The following PVT1 variants were observed in gnomAD, a reference collection of about 807,000 sequenced individuals.
The protein encoded by PVT1 is Pvt1 oncogene, also known as CXCR4/PVT1 fusion.
Position 127,894,959 on chromosome 8 carries a change from C to T in PVT1, n.782+3961C>T, listed in dbSNP as rs144819467. 3.7e-3 allele frequency among the ~76,000 whole-genome samples: 564 copies of T among 152,258 alleles called. 9 individuals carry two copies. The highest frequency in any genetic ancestry group is 0.013 in the African/African-American group (544 of 41,534). ...AGCTAGATTGAAAACAATAAGGATC[C>T]CAGAACGATAGCACTTTACAATCCT... On this transcript the variant is annotated intron_variant and non_coding_transcript_variant, in intron 3 of 10. Transcript: ENST00000651587.
chr8:127,990,497 T>A (rs1344947678), intron 4 of PVT1, among the ~76,000 whole-genome samples: 1 of 152,174 alleles, frequency 6.6e-6, no homozygotes, highest in African/African-American at 2.4e-5. Flanking sequence ...CAATTTTTTT[T>A]AAGTAAGATG....
chr8:127,871,513 GC>G (rs1194899929), intron 2 of PVT1, among the ~76,000 whole-genome samples: 2 of 152,158 alleles, frequency 1.3e-5, no homozygotes, highest in African/African-American at 2.4e-5. Flanking sequence ...GTGTCCAGGG[GC>G]CCTCTGCTTG....
At chr8:127,954,620 G>A (rs1158130926) in intron 3 of PVT1, among the ~76,000 whole-genome samples, 1 of 152,198 alleles carries the variant, frequency 6.6e-6, no homozygotes, top group African/African-American at 2.4e-5. Flanking sequence ...ACCTGTGGGT[G>A]TGGTTCAGCG....
intron 3 of PVT1, among the ~76,000 whole-genome samples, chr8:127,919,149 G>A (rs1816026135): frequency 6.6e-6 from 1 of 152,212 alleles, no homozygotes; most frequent in Non-Finnish European, 1.5e-5. Flanking sequence ...CCAGGGAGCA[G>A]TGAAGCCCGG....
rs57575268 is a variant in PVT1, at chr8:127,826,014, C to CTTTTT, written n.372+29961_372+29965dup. ...TACAGGAGTGTGCCACCATGCCCAG[C>CTTTTT]TTTTTTTTTTTTTTTTTTTTTTGAT... On this transcript the variant is annotated intron_variant and non_coding_transcript_variant, in intron 2 of 10. Transcript: ENST00000651587. Among the ~76,000 whole-genome samples the CTTTTT allele has an allele frequency of 9.0e-4, 81 of 89,656 alleles. 1 individual carries two copies. The highest frequency in any genetic ancestry group is 1.3e-3 in the African/African-American group (28 of 21,626). 58.8% of individuals were successfully genotyped at this position (89,656 alleles called of 152,430 possible).
At chr8:127,916,477 G>C (rs893529758) in intron 3 of PVT1, among the ~76,000 whole-genome samples, 1 of 152,138 alleles carries the variant, frequency 6.6e-6, no homozygotes, top group Non-Finnish European at 1.5e-5. Context: ...TAGATTTCTT[G>C]TCTTTGTGTG....
chr8:127,997,044 G>GGTTTTTTTTT (rs1554603119), intron 4 of PVT1, among the ~76,000 whole-genome samples: 1 of 81,594 alleles, frequency 1.2e-5, no homozygotes. Context: ...ATTTGCTTTC[G>GGTTTTTTTTT]TTTTTTTTTT....
chr8:128,092,228 C>T (rs2130169408), intron 5 of PVT1, among the ~76,000 whole-genome samples: 1 of 152,290 alleles, frequency 6.6e-6, no homozygotes, highest in African/African-American at 2.4e-5. Flanking sequence ...TCTCCCCTTC[C>T]AGCACCTTCT....
intron 3 of PVT1, among the ~76,000 whole-genome samples, chr8:127,905,456 A>G (rs147002363): frequency 1.4e-4 from 22 of 152,352 alleles, no homozygotes; most frequent in African/African-American, 5.3e-4. Flanking sequence ...TGGTCTTAGC[A>G]TGCTGGCAAT....
At chr8:127,812,322 C>T (rs1056041379) in intron 2 of PVT1, among the ~76,000 whole-genome samples, 3 of 145,600 alleles carry the variant, frequency 2.1e-5, no homozygotes, top group African/African-American at 7.9e-5. Context: ...TAGCTCTTGC[C>T]TGTTGTAGTC....
intron 4 of PVT1, among the ~76,000 whole-genome samples, chr8:128,067,734 C>A (rs1260794919): frequency 1.3e-5 from 2 of 151,982 alleles, no homozygotes; most frequent in Non-Finnish European, 2.9e-5. Context: ...GCTGGAGCAA[C>A]CTGTGACCAG....
intron 4 of PVT1, among the ~76,000 whole-genome samples, chr8:128,022,390 G>T (rs112698884): frequency 1.4e-4 from 22 of 152,358 alleles, no homozygotes; most frequent in African/African-American, 5.3e-4. Flanking sequence ...CTGGTTGACT[G>T]CAGCTATTTA....
chr8:128,067,251 G>A (rs541661637), intron 4 of PVT1, among the ~76,000 whole-genome samples: 6 of 152,216 alleles, frequency 3.9e-5, no homozygotes, highest in East Asian at 1.9e-4. Context: ...TCACTGCAAC[G>A]TCTTGGTGAT....
At chr8:128,006,102 CAAATAATAA>C (rs1817243082) in intron 4 of PVT1, among the ~76,000 whole-genome samples, 1 of 90,412 alleles carries the variant, frequency 1.1e-5, no homozygotes, top group African/African-American at 4.2e-5. Context: ...GACCTTGTCT[CAAATAATAA>C]TAATAATAAT....
chr8:127,843,507 G>T (rs1317035572), intron 2 of PVT1, among the ~76,000 whole-genome samples: 1 of 151,452 alleles, frequency 6.6e-6, no homozygotes, highest in African/African-American at 2.4e-5. Context: ...CAGTGGCGCG[G>T]TCTCGGCTCA....
At chr8:127,853,139 T>C (rs977727779) in intron 2 of PVT1, among the ~76,000 whole-genome samples, 1 of 152,112 alleles carries the variant, frequency 6.6e-6, no homozygotes, top group Non-Finnish European at 1.5e-5. Flanking sequence ...GGCCAGGGCT[T>C]CAAGTGAGGA....
intron 4 of PVT1, among the ~76,000 whole-genome samples, chr8:128,017,006 C>A (rs116402574): frequency 0.015 from 2,274 of 152,262 alleles, 54 homozygotes; most frequent in African/African-American, 0.052. Flanking sequence ...GGAAACACAG[C>A]AAGACCCTGT....
chr8:127,955,205 A>G (rs2129933950), intron 3 of PVT1, among the ~76,000 whole-genome samples: 1 of 152,352 alleles, frequency 6.6e-6, no homozygotes, highest in South Asian at 2.1e-4. Flanking sequence ...GGATGCGCAC[A>G]CACAGAGGGA....
chr8:128,069,329 T>C (rs900054824), intron 4 of PVT1, among the ~76,000 whole-genome samples: 2 of 152,166 alleles, frequency 1.3e-5, no homozygotes, highest in Non-Finnish European at 2.9e-5. Flanking sequence ...CTTCAGTCAT[T>C]ACCATAGAAT....
Sources: gnomAD v4.1 joint callset for allele counts (sites outside exome capture counted in the v4.1 genomes callset) on GRCh38, gnomAD v4.1.1 for gene constraint, MANE v1.5 for transcripts, NCBI Gene and HGNC (gene_info 2026-07-23, HGNC 2026-07-21) for gene names.